IRX4: variants seen among roughly 807,000 people sequenced by gnomAD.
IRX4 encodes the protein iroquois homeobox 4.
Under a neutral mutation model 32.0 loss-of-function variants are expected in IRX4, and 22 were observed. The ratio of observed to expected loss-of-function variants is 0.69; its 90% confidence interval spans 0.49 to 0.98. IRX4 has a LOEUF of 0.98. IRX4 is among the 50% of genes least tolerant of loss of function. The pLI, the probability that IRX4 is intolerant of heterozygous loss-of-function variation, is 0.00. For missense variants in IRX4, 840 were observed against 744.2 expected (o/e 1.13, Z -1.50); for synonymous variants, 379 against 351.7 (o/e 1.08, Z -0.87).
chr5:1,880,161 TATAGACAGGTAAGCCCACACCCTGAG>T (rs1285323930), intron 3 of IRX4: 1 of 1,531,400 alleles, frequency 6.5e-7, no homozygotes, highest in Non-Finnish European at 8.7e-7. Context: ...CATAAAAAGG[TATAGACAGGTAAGCCCACACCCTGAG>T]ATGTAACACG....
chr5:1,882,272 C>G lies in IRX4; in HGVS notation c.46-213G>C, dbSNP rs260401. On this transcript the variant is annotated intron_variant, in intron 1 of 4. Transcript: ENST00000231357. ...CCAGCCGAGCACCTACACCCTTCCC[C>G]GGAGGGTTTCCAAGGCCTCTGACGC... 0.53 allele frequency among the ~76,000 whole-genome samples: 80,998 copies of G among 152,014 alleles called. 22,321 individuals are homozygous for G. The highest frequency in any genetic ancestry group is 0.64 in the African/African-American group (26,649 of 41,474).
chr5:1,881,843 T>G lies in IRX4; in HGVS notation c.262A>C (p.Thr88Pro). The change falls in exon 2 of 5, where the codon ACC becomes CCC. Residue 88 changes from threonine (T) to proline (P), a missense_variant. Transcript: ENST00000231357. ...AAGGCGGACGCCTCCGAGCCGTAGG[T>G]CACGTAGTTGCCATAGCCCTGCGAT... The part of the protein sequence containing the change: ...GGSQGYGNYV[T>P]YGSEASAFYS... 6.3e-7 allele frequency: 1 copy of G among 1,578,212 alleles called. No individual in the cohort carries two copies. Among genetic ancestry groups the G allele is most frequent in the Non-Finnish European group, 8.6e-7 (1 of 1,162,416 alleles).
In IRX4 at chr5:1,880,768, A is replaced by G; in HGVS notation, c.364T>C (p.Tyr122His). 3.7e-6 allele frequency: 6 copies of G among 1,613,754 alleles called. No individual in the cohort carries two copies. The highest frequency in any genetic ancestry group is 5.1e-6 in the Non-Finnish European group (6 of 1,179,980). The part of the protein sequence containing the change: ...HGGLAPAAAA[Y>H]YPYEPALGQY... ...CCCAGAGCTGGCTCGTAAGGGTAGT[A>G]GGCGGCAGCGGCTGGTGCCAGGCCC... Residue 122 changes from tyrosine to histidine, a missense_variant, in exon 3 of 5, where the codon TAC (tyrosine) becomes CAC (histidine). By Grantham distance (83) the Tyr-to-His change is moderately conservative. Around this residue, in one of 3 missense-constraint regions of IRX4, gnomAD observed 241 missense variants for 220.8 expected, o/e 1.09. Coordinates refer to ENST00000231357, the MANE Select transcript of IRX4 (RefSeq NM_016358.3).
Position 1,882,876 on chromosome 5 carries a change from G to A in IRX4, c.-229C>T, listed in dbSNP as rs1367871107. 2.5e-6 allele frequency: 1 copy of A among 394,160 alleles called. No homozygotes were observed. Among genetic ancestry groups the A allele is most frequent in the African/African-American group, 2.1e-5 (1 of 48,248 alleles). The allele number at this position is 394,160 out of a possible 1,614,324, so 24.4% of individuals were successfully genotyped here. On this transcript the variant is annotated 5_prime_UTR_variant, in exon 1 of 5. Transcript: ENST00000231357. ...ACTTCGCATTCCGGAGGCTCGAGGG[G>A]GCTCTGGGACCGAGCGGCCTCGCAG...
rs1735354054 is a variant in IRX4, at chr5:1,879,585, G to A, written c.655C>T (p.Arg219Trp). ...PPRNKCADEK[R>W]PYAEGEEEEG... ...TCCTCCTCGCCCTCCGCGTAGGGCC[G>A]CTTCTCGTCTGCGCACTTGTTCCGC... Residue 219 changes from arginine to tryptophan, a missense_variant, in exon 4 of 5, where the codon CGG becomes TGG. Transcript: ENST00000231357. The A allele has an allele frequency of 2.5e-6, 4 of 1,613,864 alleles. No homozygotes were observed. Among genetic ancestry groups the A allele is most frequent in the Non-Finnish European group, 3.4e-6 (4 of 1,180,028 alleles).
At chr5:1,885,287 G>A (rs901497), upstream of IRX4, among the ~76,000 whole-genome samples, 1 of 152,214 alleles carries the variant, frequency 6.6e-6, no homozygotes, top group Non-Finnish European at 1.5e-5. Flanking sequence ...TCTGGGAGAA[G>A]CAGCCTCCAC....
At chr5:1,885,817 C>G (rs112118629), upstream of IRX4, among the ~76,000 whole-genome samples, 1 of 152,270 alleles carries the variant, frequency 6.6e-6, no homozygotes, top group Admixed American at 6.5e-5. Flanking sequence ...GCGGAGGCAC[C>G]CAGTGTCCCT....
rs1256116792 is a variant in IRX4 at position 1,881,856 on chromosome 5, A to G, written c.249T>C (p.Tyr83=). ...YGGPYGGSQG[Y]GNYVTYGSEA... ...CCGAGCCGTAGGTCACGTAGTTGCC[A>G]TAGCCCTGCGATCCGCCATAGGGAC... Residue 83 remains tyrosine (Y), a synonymous_variant, in exon 2 of 5, where the codon TAT becomes TAC. Transcript: ENST00000231357. 6.3e-6 allele frequency: 10 copies of G among 1,581,038 alleles called. No homozygotes were observed. The highest frequency in any genetic ancestry group is 1.7e-4 in the Middle Eastern group (1 of 6,054).
upstream of IRX4, among the ~76,000 whole-genome samples, chr5:1,885,323 G>T (rs1254278277): frequency 6.6e-6 from 1 of 152,194 alleles, no homozygotes; most frequent in African/African-American, 2.4e-5. Context: ...GTACGTGGGG[G>T]CCCTTTCGGG....
chr5:1,878,995 A>ATTTTT (rs546723700), intron 4 of IRX4, among the ~76,000 whole-genome samples: 7 of 145,164 alleles, frequency 4.8e-5, no homozygotes, highest in African/African-American at 1.8e-4. Context: ...GGGGTGTCTA[A>ATTTTT]TTTTTTTTTT....
chr5:1,878,777 T>A lies in IRX4; in HGVS notation c.752A>T (p.Glu251Val). ...GTCACTAAGCTCCAGCTCCTTCTCCTCTTTGCCCACGGGCTCTGCGGGAGA... is the reference window on the plus strand; with the variant it reads ...GTCACTAAGCTCCAGCTCCTTCTCCACTTTGCCCACGGGCTCTGCGGGAGA... Reference protein sequence around the residue: ...SSKNAEPVGKEEKELELSDLD... With the variant: ...SSKNAEPVGKVEKELELSDLD... The change falls in exon 5 of 5, where the codon GAG becomes GTG. Residue 251 changes from glutamate to valine, a missense_variant. By Grantham distance (121) the Glu-to-Val change is moderately radical. Coordinates refer to ENST00000231357, the MANE Select transcript of IRX4 (RefSeq NM_016358.3). 4 of 1,613,212 alleles carry A rather than the reference T, an allele frequency of 2.5e-6. No homozygotes were observed. The highest frequency in any genetic ancestry group is 3.4e-6 in the Non-Finnish European group (4 of 1,179,886).
rs1242506984 is a variant in IRX4, at chr5:1,878,808, C to A, written c.737-16G>T. The A allele has an allele frequency of 1.2e-6, 2 of 1,612,272 alleles. No homozygotes were observed. Among genetic ancestry groups the A allele is most frequent in the Admixed American group, 3.3e-5 (2 of 60,014 alleles). Reference sequence around the variant, plus strand: ...CCCACGGGCTCTGCGGGAGAGAATGCGTGGCCAGTGGAGGGAGAGGGTTGG... The same window carrying A: ...CCCACGGGCTCTGCGGGAGAGAATGAGTGGCCAGTGGAGGGAGAGGGTTGG... On this transcript the variant is annotated splice_polypyrimidine_tract_variant and intron_variant, in intron 4 of 4. Transcript: ENST00000231357.
At chr5:1,885,010 C>A (rs1391360530), upstream of IRX4, among the ~76,000 whole-genome samples, 1 of 152,216 alleles carries the variant, frequency 6.6e-6, no homozygotes, top group African/African-American at 2.4e-5. Context: ...GAGTAGAGAC[C>A]CCCAGAGGGG....
chr5:1,885,732 T>G (rs1209879510), upstream of IRX4, among the ~76,000 whole-genome samples: 1 of 151,986 alleles, frequency 6.6e-6, no homozygotes, highest in Non-Finnish European at 1.5e-5. Context: ...CCGGGGATTC[T>G]CACTGGGCCA....
At chr5:1,878,854 T>TC in intron 4 of IRX4, 62 bp from the exon 5 acceptor site, 1 of 1,544,562 alleles carries the variant, frequency 6.5e-7, no homozygotes, top group South Asian at 1.1e-5. Flanking sequence ...AGACCCCCTG[T>TC]CCCCGTCCAC....
In IRX4 at chr5:1,878,620, C is replaced by A; in HGVS notation, c.909G>T (p.Ala303=). 3 of 1,570,502 alleles carry A rather than the reference C, an allele frequency of 1.9e-6. No individual in the cohort carries two copies. The highest frequency in any genetic ancestry group is 2.6e-6 in the Non-Finnish European group (3 of 1,158,972). The change falls in exon 5 of 5, where the codon GCG becomes GCT. Residue 303 remains alanine, a synonymous_variant. Coordinates refer to ENST00000231357, the MANE Select transcript of IRX4 (RefSeq NM_016358.3). ...PDGPVKEASG[A]LRMSLAAGGG... ...CACCCGCGGCCAGAGACATCCGGAG[C>A]GCGCCTGAGGCCTCCTTGACCGGGC...
At chr5:1,880,135 C>CATG in intron 3 of IRX4, 2 of 1,535,594 alleles carry the variant, frequency 1.3e-6, no homozygotes, top group South Asian at 2.4e-5. Flanking sequence ...ACCGCCTAGC[C>CATG]GTTTGATCCT....
Position 1,877,895 on chromosome 5 carries a change from TG to T in IRX4, c.*73del. On this transcript the variant is annotated 3_prime_UTR_variant, in exon 5 of 5. Transcript: ENST00000231357. ...CGCGGTGGCCGCGCTAGTCTTCCTCTGGAAACTCAGTGAAAAGAGTCGGCGC... is the reference window on the plus strand; with the variant it reads ...CGCGGTGGCCGCGCTAGTCTTCCTCTGAAACTCAGTGAAAAGAGTCGGCGC... 7.4e-7 allele frequency: 1 copy of T among 1,359,956 alleles called. No individual in the cohort carries two copies. Among genetic ancestry groups the T allele is most frequent in the Non-Finnish European group, 9.9e-7 (1 of 1,006,422 alleles). 84.2% of individuals were successfully genotyped at this position (1,359,956 alleles called of 1,614,324 possible).
Position 1,879,728 on chromosome 5 carries a change from G to C in IRX4, c.512C>G (p.Thr171Ser). Residue 171 changes from threonine to serine, a missense_variant, in exon 4 of 5, where the codon ACC (threonine) becomes AGC (serine). Around this residue, in one of 3 missense-constraint regions of IRX4, gnomAD observed 14 missense variants for 35.4 expected, o/e 0.40. Coordinates refer to ENST00000231357, the MANE Select transcript of IRX4 (RefSeq NM_016358.3). ...LQEHRKNPYP[T>S]KGEKIMLAII... ...GGCCAGCATGATCTTCTCGCCCTTG[G>C]TGGGGTAGGGGTTCTTGCGGTGCTC... The C allele has an allele frequency of 6.2e-7, 1 of 1,614,250 alleles. No individual in the cohort carries two copies. Among genetic ancestry groups the C allele is most frequent in the Non-Finnish European group, 8.5e-7 (1 of 1,180,040 alleles).
Sources: gnomAD v4.1 joint callset for allele counts (sites outside exome capture counted in the v4.1 genomes callset) on GRCh38, gnomAD v4.1.1 for gene constraint, gnomAD v4.1.1 regional missense constraint, MANE v1.5 for transcripts, NCBI Gene and HGNC (gene_info 2026-07-23, HGNC 2026-07-21) for gene names.